MITF: variants seen among roughly 807,000 people sequenced by gnomAD.
The protein encoded by MITF is melanocyte inducing transcription factor.
A neutral mutation model predicts 60.5 loss-of-function variants in MITF; 17 were observed. That is an observed-to-expected ratio of 0.28 (90% CI 0.19 to 0.42). MITF has a LOEUF of 0.42. MITF is among the 10% of genes least tolerant of loss of function. MITF has a pLI of 1.00. For missense variants in MITF, 622 were observed against 683.5 expected, an observed-to-expected ratio of 0.91 and a Z score of 1.00; for synonymous variants, 260 against 248.5, an observed-to-expected ratio of 1.05 and a Z score of -0.43.
chr3:69,927,906 A>G (rs1333850605), intron 2 of MITF, among the ~76,000 whole-genome samples: 1 of 152,246 alleles, frequency 6.6e-6, no homozygotes, highest in Non-Finnish European at 1.5e-5. Context: ...TCCATGGCCT[A>G]TGAGATATTT....
chr3:69,780,037 A>T, intron 1 of MITF, among the ~76,000 whole-genome samples: 1 of 152,324 alleles, frequency 6.6e-6, no homozygotes, highest in Middle Eastern at 3.4e-3. Flanking sequence ...TATGGGGCTG[A>T]TAAGAGAAGC....
chr3:69,856,054 T>TA (rs772715900), intron 1 of MITF, among the ~76,000 whole-genome samples: 116 of 152,168 alleles, frequency 7.6e-4, no homozygotes, highest in Non-Finnish European at 1.4e-3. Context: ...TGGGCTCACT[T>TA]ACTGTGATTT....
intron 2 of MITF, among the ~76,000 whole-genome samples, chr3:69,935,974 G>A (rs2065824223): frequency 1.3e-5 from 2 of 152,010 alleles, no homozygotes; most frequent in South Asian, 4.2e-4. Context: ...ATTAAATAGG[G>A]GAGATATTTA....
chr3:69,906,613 G>T (rs138657757), intron 2 of MITF, among the ~76,000 whole-genome samples: 1 of 152,214 alleles, frequency 6.6e-6, no homozygotes, highest in Non-Finnish European at 1.5e-5. Context: ...AAGTGTACTT[G>T]TATAATCTTT....
At chr3:69,963,970 C>CT (rs56921812) in intron 9 of MITF, among the ~76,000 whole-genome samples, 2,778 of 85,944 alleles carry the variant, frequency 0.032, 108 homozygotes, top group African/African-American at 0.066. Flanking sequence ...TTTTTCTTTT[C>CT]TTTTTTTTTT....
chr3:69,783,090 A>G (rs571740052), intron 1 of MITF, among the ~76,000 whole-genome samples: 18 of 152,312 alleles, frequency 1.2e-4, no homozygotes, highest in African/African-American at 3.9e-4. Flanking sequence ...ACCTTATTCC[A>G]TCCTTTCCAG....
intron 3 of MITF, chr3:69,938,615 C>T: frequency 7.4e-7 from 1 of 1,347,818 alleles, no homozygotes; most frequent in Non-Finnish European, 9.5e-7. Context: ...TTGCCACTGC[C>T]CGTTAAATCT....
intron 1 of MITF, among the ~76,000 whole-genome samples, chr3:69,783,698 T>C (rs2062603705): frequency 6.6e-6 from 1 of 151,956 alleles, no homozygotes; most frequent in African/African-American, 2.4e-5. Context: ...ATCCAGAATA[T>C]GTTTTTTTTT....
chr3:69,874,077 T>C (rs1298429721), intron 1 of MITF, among the ~76,000 whole-genome samples: 3 of 152,220 alleles, frequency 2.0e-5, no homozygotes, highest in African/African-American at 7.2e-5. Flanking sequence ...TCACTGTGTA[T>C]ATGAATATCC....
chr3:69,907,993 G>A (rs944879695), intron 2 of MITF, among the ~76,000 whole-genome samples: 3 of 152,216 alleles, frequency 2.0e-5, no homozygotes, highest in Non-Finnish European at 4.4e-5. Flanking sequence ...TTTCAAGAAT[G>A]AGGGAAGTAA....
intron 1 of MITF, among the ~76,000 whole-genome samples, chr3:69,863,911 A>G (rs879389519): frequency 6.6e-6 from 1 of 151,974 alleles, no homozygotes; most frequent in Admixed American, 6.6e-5. Flanking sequence ...GTTATTCCCT[A>G]TCCTTTCTTT....
At chr3:69,809,008 T>C (rs926267403) in intron 1 of MITF, among the ~76,000 whole-genome samples, 26 of 151,670 alleles carry the variant, frequency 1.7e-4, no homozygotes, top group African/African-American at 5.8e-4. Context: ...GACTTTAGAG[T>C]AGTAACAGTG....
chr3:69,844,494 A>C (rs925369005), intron 1 of MITF, among the ~76,000 whole-genome samples: 1 of 152,172 alleles, frequency 6.6e-6, no homozygotes, highest in African/African-American at 2.4e-5. Flanking sequence ...AGACTTAAAC[A>C]TAAGACCTAA....
At chr3:69,896,659 G>A (rs1039380979) in intron 2 of MITF, among the ~76,000 whole-genome samples, 1 of 152,152 alleles carries the variant, frequency 6.6e-6, no homozygotes, top group Admixed American at 6.5e-5. Flanking sequence ...CTATTCATAG[G>A]TGTGATTTTT....
intron 2 of MITF, among the ~76,000 whole-genome samples, chr3:69,910,697 A>G (rs1434380464): frequency 2.0e-5 from 3 of 152,304 alleles, no homozygotes; most frequent in Non-Finnish European, 4.4e-5. Flanking sequence ...GCTGGATTTC[A>G]CACTTGCATG....
At chr3:69,838,546 T>C (rs1156552684) in intron 1 of MITF, 3 of 152,614 alleles carry the variant, frequency 2.0e-5, no homozygotes, top group Non-Finnish European at 4.4e-5. Flanking sequence ...TTAAACCCTG[T>C]GCGTTTCTGG....
chr3:69,780,647 C>G (rs2062548043), intron 1 of MITF, among the ~76,000 whole-genome samples: 1 of 152,156 alleles, frequency 6.6e-6, no homozygotes, highest in South Asian at 2.1e-4. Flanking sequence ...ATGGCTATAA[C>G]TTTCTCTTTC....
chr3:69,826,541 A>G (rs1324464815), intron 1 of MITF, among the ~76,000 whole-genome samples: 1 of 152,196 alleles, frequency 6.6e-6, no homozygotes, highest in Non-Finnish European at 1.5e-5. Context: ...AATTACTTTT[A>G]AAAACTTTTG....
intron 1 of MITF, among the ~76,000 whole-genome samples, chr3:69,835,247 G>A (rs559338554): frequency 8.6e-5 from 13 of 151,970 alleles, no homozygotes; most frequent in African/African-American, 3.1e-4. Context: ...CAAACACCTG[G>A]GCTTAAGCAA....
Sources: allele counts gnomAD v4.1 joint callset (sites outside exome capture counted in the v4.1 genomes callset), GRCh38; gene constraint gnomAD v4.1.1; transcripts MANE v1.5; gene names NCBI Gene and HGNC (gene_info 2026-07-23, HGNC 2026-07-21).